Variants in ENOX1 observed in about 807,000 individuals in gnomAD.
ENOX1 encodes the protein candidate growth-related and time keeping constitutive hydroquinone (NADH) oxidase.
ENOX1 carries 42 observed loss-of-function variants against 82.5 expected under a neutral mutation model. That is an observed-to-expected ratio of 0.51 (90% CI 0.40 to 0.66). The LOEUF (loss-of-function observed/expected upper bound fraction) is 0.66. Among genes scored for constraint, ENOX1 ranks in the 30% least tolerant of loss-of-function variants. The pLI is 0.00. For missense variants in ENOX1, 608 were observed against 811.6 expected (o/e 0.75, Z 3.05); for synonymous variants, 271 against 282.2 (o/e 0.96, Z 0.40).
intron 5 of ENOX1, among the ~76,000 whole-genome samples, chr13:43,370,723 T>C (rs1211631661): frequency 6.6e-6 from 1 of 152,206 alleles, no homozygotes; most frequent in East Asian, 1.9e-4. Flanking sequence ...TTAAAACCTC[T>C]ATAGGTAACC....
intron 2 of ENOX1, among the ~76,000 whole-genome samples, chr13:43,541,224 T>C (rs1310704468): frequency 7.0e-6 from 1 of 142,276 alleles, no homozygotes; most frequent in Non-Finnish European, 1.5e-5. Flanking sequence ...AGGGACCAGA[T>C]GCTGTGGCTC....
At chr13:43,647,737 AAT>A (rs2153773836) in intron 2 of ENOX1, among the ~76,000 whole-genome samples, 1 of 152,308 alleles carries the variant, frequency 6.6e-6, no homozygotes, top group South Asian at 2.1e-4. Context: ...GGAACCCATG[AAT>A]ATGTTACCTT....
chr13:43,724,614 AT>A (rs1307423627), intron 1 of ENOX1, among the ~76,000 whole-genome samples: 1 of 152,266 alleles, frequency 6.6e-6, no homozygotes, highest in African/African-American at 2.4e-5. Context: ...ATAAGTGTAG[AT>A]TAAACAAAAA....
At chr13:43,499,410 C>A (rs1379789781) in intron 2 of ENOX1, among the ~76,000 whole-genome samples, 1 of 151,958 alleles carries the variant, frequency 6.6e-6, no homozygotes, top group African/African-American at 2.4e-5. Context: ...CAGCTATAAC[C>A]ACTACTTCCA....
rs111593109 is a variant in ENOX1, at chr13:43,492,936, G to A, written c.-218-8784C>T. 1.6e-3 allele frequency among the ~76,000 whole-genome samples: 243 copies of A among 152,216 alleles called. 1 individual carries two copies. Among genetic ancestry groups the A allele is most frequent in the African/African-American group, 5.8e-3 (239 of 41,540 alleles). ...AAGCAGATTACTTTCCATAATGTGG[G>A]TGGGCCTTATCTAATCAGTTGAAGC... On this transcript the variant is annotated intron_variant, in intron 2 of 16. Transcript: ENST00000690772.
At chr13:43,346,751 G>GTT (rs781211747) in intron 8 of ENOX1, among the ~76,000 whole-genome samples, 2 of 152,070 alleles carry the variant, frequency 1.3e-5, no homozygotes, top group African/African-American at 4.8e-5. Context: ...CACTGCAACC[G>GTT]TTACTGGCAG....
chr13:43,628,185 T>C lies in ENOX1; in HGVS notation c.-219+39294A>G, dbSNP rs573632764. ...TCAGCCATTATATCTTCAGGTACTTTTCCAGCACTGCTCTCTTTCTCCTTC... is the reference window on the plus strand; with the variant it reads ...TCAGCCATTATATCTTCAGGTACTTCTCCAGCACTGCTCTCTTTCTCCTTC... On this transcript the variant is annotated intron_variant, in intron 2 of 16. Coordinates refer to ENST00000690772, the MANE Select transcript of ENOX1 (RefSeq NM_001347969.2). Among the ~76,000 whole-genome samples the C allele has an allele frequency of 7.6e-4, 116 of 152,294 alleles. 1 individual carries two copies. Among genetic ancestry groups the C allele is most frequent in the African/African-American group, 2.8e-3 (115 of 41,582 alleles).
rs202164871 is a variant in ENOX1, at chr13:43,754,353, AT to A, written c.-285+32298del. On this transcript the variant is annotated intron_variant, in intron 1 of 16. Coordinates refer to ENST00000690772, the MANE Select transcript of ENOX1 (RefSeq NM_001347969.2). ...TATATATATATTATTATTATTATTTATTTTTTTTTTTTACTGTCACCCAGGC... is the reference window on the plus strand; with the variant it reads ...TATATATATATTATTATTATTATTTATTTTTTTTTTTACTGTCACCCAGGC... Among the ~76,000 whole-genome samples, 1,123 of 138,744 alleles carry A rather than the reference AT, an allele frequency of 8.1e-3. 15 individuals are homozygous for A. The highest frequency in any genetic ancestry group is 0.026 in the African/African-American group (1,004 of 38,048). 91.0% of individuals were successfully genotyped at this position (138,744 alleles called of 152,430 possible). A position where few individuals can be genotyped will look rare whatever the true frequency, so the allele number is the denominator to read the frequency against.
At chr13:43,466,734 T>C (rs1406789612) in intron 3 of ENOX1, among the ~76,000 whole-genome samples, 4 of 152,180 alleles carry the variant, frequency 2.6e-5, no homozygotes, top group African/African-American at 9.7e-5. Flanking sequence ...CCATTCTTCT[T>C]ATCTAATTCC....
At chr13:43,494,141 T>C (rs1377380874) in intron 2 of ENOX1, among the ~76,000 whole-genome samples, 1 of 152,106 alleles carries the variant, frequency 6.6e-6, no homozygotes, top group Non-Finnish European at 1.5e-5. Flanking sequence ...GGGATTACAA[T>C]TCAAGATGAG....
chr13:43,330,528 CA>C (rs1279078868), intron 9 of ENOX1, among the ~76,000 whole-genome samples: 1 of 152,220 alleles, frequency 6.6e-6, no homozygotes, highest in Non-Finnish European at 1.5e-5. Context: ...AGCTCTCCAT[CA>C]GAAAATTTAA....
rs535349275 is a variant in ENOX1 at position 43,494,588 on chromosome 13, CAAT to C, written c.-218-10439_-218-10437del. Among the ~76,000 whole-genome samples the C allele has an allele frequency of 1.0e-3, 158 of 152,128 alleles. 2 individuals carry two copies. The Middle Eastern group carries it at 0.034, about 33-fold the overall frequency. Reference sequence around the variant, plus strand: ...GAAGGCACATATATTCATTCTTTCACAATAATAAACAAAATAGTAGAGATGAGA... The same window carrying C: ...GAAGGCACATATATTCATTCTTTCACAATAAACAAAATAGTAGAGATGAGA... On this transcript the variant is annotated intron_variant, in intron 2 of 16. Coordinates refer to ENST00000690772, the MANE Select transcript of ENOX1 (RefSeq NM_001347969.2).
intron 2 of ENOX1, chr13:43,547,260 A>G (rs2079011964): frequency 6.6e-6 from 1 of 152,224 alleles, no homozygotes; most frequent in African/African-American, 2.4e-5. Context: ...ATAATCAACT[A>G]CAATCACAAT....
intron 2 of ENOX1, among the ~76,000 whole-genome samples, chr13:43,484,401 C>T (rs1209981384): frequency 1.3e-5 from 2 of 152,044 alleles, no homozygotes; most frequent in African/African-American, 4.8e-5. Flanking sequence ...CTTATCTAGG[C>T]TGGGATTGAA....
At chr13:43,412,794 A>C in intron 4 of ENOX1, 51 bp downstream of exon 4, 1 of 1,607,604 alleles carries the variant, frequency 6.2e-7, no homozygotes, top group Non-Finnish European at 8.5e-7. Context: ...CTTTTCCACT[A>C]AGAACTCAAA....
intron 3 of ENOX1, among the ~76,000 whole-genome samples, chr13:43,439,377 T>C (rs2056231619): frequency 1.3e-5 from 2 of 152,094 alleles, no homozygotes; most frequent in Non-Finnish European, 2.9e-5. Flanking sequence ...AATTTTTGTA[T>C]TTTTAATAGA....
chr13:43,376,765 C>T (rs2051664911), intron 5 of ENOX1, among the ~76,000 whole-genome samples: 1 of 152,150 alleles, frequency 6.6e-6, no homozygotes, highest in African/African-American at 2.4e-5. Flanking sequence ...CACCATCTGT[C>T]AAGAAGTGGT....
intron 9 of ENOX1, among the ~76,000 whole-genome samples, chr13:43,342,826 C>T (rs2049148109): frequency 6.6e-6 from 1 of 152,230 alleles, no homozygotes; most frequent in East Asian, 1.9e-4. Context: ...CTGTCCCTCT[C>T]TCAGTTGCTT....
At chr13:43,361,981 A>T (rs1036095639) in intron 5 of ENOX1, among the ~76,000 whole-genome samples, 1 of 150,498 alleles carries the variant, frequency 6.6e-6, no homozygotes, top group African/African-American at 2.4e-5. Flanking sequence ...CTGGAATAAA[A>T]AAAAAAAAAA....
Sources: allele counts gnomAD v4.1 joint callset (sites outside exome capture counted in the v4.1 genomes callset), GRCh38; gene constraint gnomAD v4.1.1; transcripts MANE v1.5; gene names NCBI Gene and HGNC (gene_info 2026-07-23, HGNC 2026-07-21).